The following PSKH1 variants were observed in gnomAD, a reference collection of about 807,000 sequenced individuals.
PSKH1 encodes the protein serine/threonine-protein kinase H1.
Under a neutral mutation model 26.7 loss-of-function variants are expected in PSKH1, and 12 were observed. That is an observed-to-expected ratio of 0.45 (90% CI 0.29 to 0.73). The LOEUF (loss-of-function observed/expected upper bound fraction) is 0.73. PSKH1 is among the 30% of genes least tolerant of loss of function. PSKH1 has a pLI of 0.11. For synonymous variants in PSKH1, 213 were observed against 234.3 expected (o/e 0.91, Z 0.83); for missense variants, 431 against 595.2 (o/e 0.72, Z 2.87).
intron 2 of PSKH1, among the ~76,000 whole-genome samples, chr16:67,921,179 G>T (rs1414581639): frequency 1.3e-5 from 2 of 152,110 alleles, no homozygotes; most frequent in African/African-American, 4.8e-5. Flanking sequence ...TTGGGAGGCT[G>T]AGGCAGGAGA....
At chr16:67,904,392 G>C (rs1046391716) in intron 1 of PSKH1, among the ~76,000 whole-genome samples, 1 of 151,884 alleles carries the variant, frequency 6.6e-6, no homozygotes, top group African/African-American at 2.4e-5. Context: ...TTTTGGTAGA[G>C]ATGGGGTTTT....
rs2058221993 is a variant in PSKH1 at position 67,927,771 on chromosome 16, C to T, written c.*129C>T. On this transcript the variant is annotated 3_prime_UTR_variant, in exon 3 of 3. Transcript: ENST00000291041. This position sits in a 1 kb window ranked among gnomAD's most constrained non-coding sequence, Gnocchi z 5.5. ...GTAGGTGAAGAATGTCTGGCTCCAGCCCTTTCTCTGTGCCTTCAGCAGCCC... is the reference window on the plus strand; with the variant it reads ...GTAGGTGAAGAATGTCTGGCTCCAGTCCTTTCTCTGTGCCTTCAGCAGCCC... The T allele has an allele frequency of 1.7e-6, 2 of 1,153,284 alleles. No individual in the cohort carries two copies. Among genetic ancestry groups the T allele is most frequent in the African/African-American group, 3.1e-5 (2 of 64,398 alleles). The allele number at this position is 1,153,284 out of a possible 1,614,324, so 71.4% of individuals were successfully genotyped here. A position where few individuals can be genotyped will look rare whatever the true frequency, so the allele number is the denominator to read the frequency against.
At chr16:67,902,204 G>A (rs974241015) in intron 1 of PSKH1, among the ~76,000 whole-genome samples, 1 of 151,576 alleles carries the variant, frequency 6.6e-6, no homozygotes, top group Admixed American at 6.6e-5. Context: ...AGGTTGCAGT[G>A]AGCTGAGATC....
rs760619786 is a variant in PSKH1, at chr16:67,908,774, C to A, written c.25C>A (p.Leu9Ile). 4 of 1,595,604 alleles carry A rather than the reference C, an allele frequency of 2.5e-6. No homozygotes were observed. The Admixed American group carries it at 5.1e-5, about 20-fold the overall frequency. Residue 9 changes from leucine to isoleucine, a missense_variant, in exon 2 of 3, where the codon CTT becomes ATT. Coordinates refer to ENST00000291041, the MANE Select transcript of PSKH1 (RefSeq NM_006742.3). ...GATGGGCTGTGGGACAAGCAAGGTC[C>A]TTCCCGAGCCACCCAAGGATGTCCA... MGCGTSKV[L>I]PEPPKDVQLD...
intron 2 of PSKH1, among the ~76,000 whole-genome samples, chr16:67,919,562 C>G (rs2058196493): frequency 1.3e-5 from 2 of 152,226 alleles, no homozygotes; most frequent in Admixed American, 1.3e-4. Flanking sequence ...GCCATCCCCA[C>G]TTCACCAAAA....
chr16:67,921,041 G>A (rs2058200970), intron 2 of PSKH1, among the ~76,000 whole-genome samples: 1 of 152,032 alleles, frequency 6.6e-6, no homozygotes, highest in African/African-American at 2.4e-5. Context: ...AGCCCTTTGG[G>A]AGGCCAAGGT....
chr16:67,902,702 C>CT (rs1366272922), intron 1 of PSKH1, among the ~76,000 whole-genome samples: 2 of 152,098 alleles, frequency 1.3e-5, no homozygotes, highest in African/African-American at 4.8e-5. Context: ...CTGTAGATGA[C>CT]TGTTTATTTT....
intron 1 of PSKH1, among the ~76,000 whole-genome samples, chr16:67,894,406 T>C (rs1598184271): frequency 6.6e-6 from 1 of 152,308 alleles, no homozygotes; most frequent in East Asian, 1.9e-4. Flanking sequence ...TCCTAACATA[T>C]TGAGATTATT....
chr16:67,917,756 G>A (rs1428122424), intron 2 of PSKH1, among the ~76,000 whole-genome samples: 3 of 152,126 alleles, frequency 2.0e-5, no homozygotes, highest in African/African-American at 7.2e-5. Flanking sequence ...CACAGGCAGG[G>A]GGAGGATTTA....
At chr16:67,920,918 T>G (rs1358007935) in intron 2 of PSKH1, among the ~76,000 whole-genome samples, 1 of 150,436 alleles carries the variant, frequency 6.6e-6, no homozygotes, top group East Asian at 2.0e-4. Context: ...GAGACTGCAG[T>G]GTGGATGAGA....
Position 67,927,617 on chromosome 16 carries a change from G to C in PSKH1, c.1250G>C (p.Arg417Pro). 1 of 1,607,808 alleles carries C rather than the reference G, an allele frequency of 6.2e-7. No homozygotes were observed. The highest frequency in any genetic ancestry group is 1.1e-5 in the South Asian group (1 of 91,068). The change falls in exon 3 of 3, where the codon CGC becomes CCC. Residue 417 changes from arginine (R) to proline (P), a missense_variant. Transcript: ENST00000291041. This position sits in a 1 kb window ranked among gnomAD's most constrained non-coding sequence, Gnocchi z 5.5. ...RERELRELNLRYQQQYNG is the reference protein window; with the variant it reads ...RERELRELNLPYQQQYNG ...CGGGAGCTGCGGGAGCTCAACCTGC[G>C]CTACCAGCAGCAATACAATGGCTGA...
chr16:67,900,304 A>G (rs1037605879), intron 1 of PSKH1, among the ~76,000 whole-genome samples: 1 of 152,142 alleles, frequency 6.6e-6, no homozygotes, highest in Admixed American at 6.5e-5. Context: ...TTTGATAAGT[A>G]CCAAGGGAGT....
Position 67,909,339 on chromosome 16 carries a change from G to C in PSKH1, c.590G>C (p.Arg197Pro). ...KGSFTERDAT[R>P]VLQMVLDGVR... ...TCCTTCACCGAGCGTGACGCCACGC[G>C]GGTGCTGCAGATGGTGCTGGATGGC... The change falls in exon 2 of 3, where the codon CGG (arginine) becomes CCG (proline). Residue 197 changes from arginine to proline, a missense_variant. By Grantham distance (103) the Arg-to-Pro change is moderately radical (BLOSUM62 -2). Coordinates refer to ENST00000291041, the MANE Select transcript of PSKH1 (RefSeq NM_006742.3). The surrounding 1 kb of genome is among the most constrained non-coding windows in gnomAD (Gnocchi z 7.8). The C allele has an allele frequency of 6.2e-7, 1 of 1,613,884 alleles. No homozygotes were observed. The highest frequency in any genetic ancestry group is 8.5e-7 in the Non-Finnish European group (1 of 1,179,990).
chr16:67,918,322 C>G (rs557746667), intron 2 of PSKH1, among the ~76,000 whole-genome samples: 1 of 152,194 alleles, frequency 6.6e-6, no homozygotes, highest in Non-Finnish European at 1.5e-5. Flanking sequence ...CTTGGCCAGT[C>G]TCTGAGCTGT....
chr16:67,924,086 G>A (rs1047425797), intron 2 of PSKH1, among the ~76,000 whole-genome samples: 1 of 152,182 alleles, frequency 6.6e-6, no homozygotes, highest in African/African-American at 2.4e-5. Context: ...GCTGGATGAG[G>A]ACCACCTTCT....
intron 1 of PSKH1, among the ~76,000 whole-genome samples, chr16:67,907,625 G>A (rs2058160361): frequency 6.6e-6 from 1 of 152,226 alleles, no homozygotes; most frequent in Admixed American, 6.5e-5. Flanking sequence ...GTGTGCTGAG[G>A]CTTGTGGTCC....
rs775711709 is a variant in PSKH1, at chr16:67,927,180, G to C, written c.958-145G>C. ...CAGCCCTTGTTCAGCCTGAGCCAGC[G>C]TTGGGCGGGGAGGCCCCAAGTGCTA... On this transcript the variant is annotated intron_variant, in intron 2 of 2. Coordinates refer to ENST00000291041, the MANE Select transcript of PSKH1 (RefSeq NM_006742.3). The surrounding 1 kb of genome is among the most constrained non-coding windows in gnomAD (Gnocchi z 5.5). 4.3e-5 allele frequency: 34 copies of C among 796,026 alleles called. No homozygotes were observed. The highest frequency in any genetic ancestry group is 6.2e-5 in the Non-Finnish European group (31 of 499,744). The allele number at this position is 796,026 out of a possible 1,614,324, so 49.3% of individuals were successfully genotyped here.
chr16:67,927,207 A>C lies in PSKH1; in HGVS notation c.958-118A>C. The C allele has an allele frequency of 1.9e-6, 2 of 1,056,548 alleles. No homozygotes were observed. The highest frequency in any genetic ancestry group is 3.1e-5 in the South Asian group (2 of 65,012). The allele number at this position is 1,056,548 out of a possible 1,614,324, so 65.4% of individuals were successfully genotyped here. On this transcript the variant is annotated intron_variant, in intron 2 of 2. Coordinates refer to ENST00000291041, the MANE Select transcript of PSKH1 (RefSeq NM_006742.3). This position sits in a 1 kb window ranked among gnomAD's most constrained non-coding sequence, Gnocchi z 5.5. ...TGGGCGGGGAGGCCCCAAGTGCTAC[A>C]TGAGAGGAGGGGCAGCACCTCTCTC...
intron 1 of PSKH1, among the ~76,000 whole-genome samples, 158 bp downstream of exon 1, chr16:67,893,529 C>T (rs535770030): frequency 6.6e-6 from 1 of 152,372 alleles, no homozygotes; most frequent in African/African-American, 2.4e-5. Flanking sequence ...GAGAGCAGGC[C>T]GGGCGATGGC....
Sources: gnomAD v4.1 joint callset for allele counts (sites outside exome capture counted in the v4.1 genomes callset) on GRCh38, gnomAD v4.1.1 for gene constraint, Gnocchi (gnomAD v3.1) non-coding constraint, MANE v1.5 for transcripts, NCBI Gene and HGNC (gene_info 2026-07-23, HGNC 2026-07-21) for gene names.